SLC26A7: variants seen among roughly 807,000 people sequenced by gnomAD.
SLC26A7 encodes the protein anion exchange transporter.
SLC26A7 carries 59 observed loss-of-function variants against 82.5 expected under a neutral mutation model. The observed-to-expected ratio is 0.72, with a 90% CI of 0.58 to 0.89. The LOEUF (loss-of-function observed/expected upper bound fraction) is 0.89, where lower values mean the gene tolerates loss of function less well. Ranked by LOEUF, SLC26A7 falls within the 40% of genes least tolerant of loss-of-function variation. The pLI, the probability that SLC26A7 is intolerant of heterozygous loss-of-function variation, is 0.00. For synonymous variants in SLC26A7, 271 were observed against 274.3 expected (o/e 0.99, Z 0.12); for missense variants, 820 against 793.0 (o/e 1.03, Z -0.41).
Position 91,341,904 on chromosome 8 carries a change from G to A in SLC26A7, c.1026+1353G>A, listed in dbSNP as rs1412741649. ...TTCTGTTCTCTCCAATACCTGCTTA[G>A]CTCCTCCATTTATTTGTTTATTTAT... On this transcript the variant is annotated intron_variant, in intron 8 of 18. Coordinates refer to ENST00000276609, the MANE Select transcript of SLC26A7 (RefSeq NM_052832.4). Among the ~76,000 whole-genome samples the A allele has an allele frequency of 3.9e-5, 6 of 151,992 alleles. No homozygotes were observed. In the East Asian group the frequency reaches 1.2e-3, roughly 29 times the overall value.
At chr8:91,248,099 A>G (rs1001457623), upstream of SLC26A7, among the ~76,000 whole-genome samples, 2 of 152,130 alleles carry the variant, frequency 1.3e-5, no homozygotes, top group African/African-American at 4.8e-5. Flanking sequence ...AAATGCTACA[A>G]CTTGGTCTCT....
chr8:91,267,344 T>G (rs1340366628), intron 2 of SLC26A7, among the ~76,000 whole-genome samples: 1 of 151,968 alleles, frequency 6.6e-6, no homozygotes, highest in African/African-American at 2.4e-5. Context: ...CATTAGTTTT[T>G]CTTTAAATGT....
intron 16 of SLC26A7, among the ~76,000 whole-genome samples, chr8:91,390,701 C>G (rs536372377): frequency 3.5e-4 from 53 of 151,998 alleles, no homozygotes; most frequent in Non-Finnish European, 6.6e-4. Flanking sequence ...GAGTTCTTTC[C>G]TCACCATTGA....
Position 91,362,376 on chromosome 8 carries a change from ATTTACAATATGC to A in SLC26A7, c.1342_1353del (p.Thr448_Phe451del). 6.2e-7 allele frequency: 1 copy of A among 1,613,056 alleles called. No individual in the cohort carries two copies. Among genetic ancestry groups the A allele is most frequent in the Non-Finnish European group, 8.5e-7 (1 of 1,179,222 alleles). On this transcript the variant is annotated inframe_deletion, in exon 12 of 19. Coordinates refer to ENST00000276609, the MANE Select transcript of SLC26A7 (RefSeq NM_052832.4). ...AGGGAATATGGGTCAGTACATATGT[ATTTACAATATGC>A]TTTGCTGCCAATGTGGGACTGCTGT...
chr8:91,381,020 G>GA (rs544464042), intron 15 of SLC26A7, among the ~76,000 whole-genome samples: 1 of 151,944 alleles, frequency 6.6e-6, no homozygotes, highest in African/African-American at 2.4e-5. Context: ...CAATGTTGGG[G>GA]AAAAAAGCAA....
rs147432595 is a variant in SLC26A7 at position 91,295,503 on chromosome 8, G to A, written c.305-28G>A. ...GAGCCTTTAAATCAAATTACTAATA[G>A]AAGATTCCCCACACCACTTGGTTTC... On this transcript the variant is annotated intron_variant, in intron 3 of 18. Coordinates refer to ENST00000276609, the MANE Select transcript of SLC26A7 (RefSeq NM_052832.4). 5.9e-5 allele frequency: 94 copies of A among 1,590,740 alleles called. No individual in the cohort carries two copies. In the African/African-American group the frequency reaches 1.1e-3, roughly 19 times the overall value.
At position 91,318,376 on chromosome 8, in the gene SLC26A7, T is replaced by C. The variant is rs148980548; in HGVS notation, c.638T>C (p.Phe213Ser). The C allele has an allele frequency of 1.8e-5, 28 of 1,597,116 alleles. No homozygotes were observed. The highest frequency in any genetic ancestry group is 2.4e-5 in the Non-Finnish European group (28 of 1,169,878). ...MPYISGPLGF[F>S]YIYAYVFENI... ...TATATATCCGGACCACTTGGATTCT[T>C]TTATGTGAGTTTTTCGTATGCTTTC... Residue 213 changes from phenylalanine (F) to serine (S), a missense_variant, in exon 5 of 19, where the codon TTT becomes TCT. By Grantham distance (155) the Phe-to-Ser change is radical. Coordinates refer to ENST00000276609, the MANE Select transcript of SLC26A7 (RefSeq NM_052832.4).
At chr8:91,294,343 G>T (rs1483420966) in intron 3 of SLC26A7, among the ~76,000 whole-genome samples, 1 of 152,036 alleles carries the variant, frequency 6.6e-6, no homozygotes, top group East Asian at 1.9e-4. Flanking sequence ...ACAGTTCTGG[G>T]ATTTTAGGCC....
At chr8:91,277,626 C>T (rs1245157183) in intron 2 of SLC26A7, among the ~76,000 whole-genome samples, 3 of 152,014 alleles carry the variant, frequency 2.0e-5, no homozygotes, top group Non-Finnish European at 4.4e-5. Flanking sequence ...GCCCTATAAC[C>T]AGAACATTAT....
At chr8:91,286,949 G>A (rs1440316583) in intron 2 of SLC26A7, among the ~76,000 whole-genome samples, 1 of 152,116 alleles carries the variant, frequency 6.6e-6, no homozygotes, top group Non-Finnish European at 1.5e-5. Flanking sequence ...CTTATTTGTG[G>A]AAAGGATACT....
intron 15 of SLC26A7, among the ~76,000 whole-genome samples, chr8:91,384,612 T>C (rs940614401): frequency 6.6e-6 from 1 of 152,146 alleles, no homozygotes; most frequent in African/African-American, 2.4e-5. Context: ...CATCACACTT[T>C]AATTTACTAG....
intron 2 of SLC26A7, among the ~76,000 whole-genome samples, chr8:91,226,698 A>C (rs1173074529): frequency 6.6e-6 from 1 of 152,262 alleles, no homozygotes; most frequent in Non-Finnish European, 1.5e-5. Flanking sequence ...CAATGGGCTA[A>C]CAATATAATG....
chr8:91,375,652 TTTAAG>T lies in SLC26A7; in HGVS notation c.1675+5822_1675+5826del, dbSNP rs1304779267. On this transcript the variant is annotated intron_variant, in intron 15 of 18. Transcript: ENST00000276609. ...AATTTAGCCCTTTTCTCTAGCTGCCTTTAAGTTGTTTTTTTTTTTTTTCTTCATGT... is the reference window on the plus strand; with the variant it reads ...AATTTAGCCCTTTTCTCTAGCTGCCTTTGTTTTTTTTTTTTTTCTTCATGT... 5.4e-5 allele frequency among the ~76,000 whole-genome samples: 8 copies of T among 148,606 alleles called. No individual in the cohort carries two copies. In the East Asian group the frequency reaches 1.5e-3, roughly 29 times the overall value.
rs567961937 is a variant in SLC26A7 at position 91,256,927 on chromosome 8, C to G, written c.193+7083C>G. On this transcript the variant is annotated intron_variant, in intron 2 of 18. Coordinates refer to ENST00000276609, the MANE Select transcript of SLC26A7 (RefSeq NM_052832.4). ...GATTAAAACCTAAAACTGCCCTGCT[C>G]CATTCCTCATTCTTCACTGGTATCT... Among the ~76,000 whole-genome samples the G allele has an allele frequency of 1.1e-4, 17 of 152,200 alleles. 2 individuals carry two copies. In the South Asian group the frequency reaches 3.3e-3, roughly 30 times the overall value.
intron 11 of SLC26A7, among the ~76,000 whole-genome samples, chr8:91,357,088 A>G (rs2130862723): frequency 6.6e-6 from 1 of 152,024 alleles, no homozygotes; most frequent in East Asian, 1.9e-4. Flanking sequence ...ATGGCCTTTC[A>G]CTCTACAGTC....
intron 2 of SLC26A7, among the ~76,000 whole-genome samples, chr8:91,259,124 C>T (rs537399919): frequency 8.5e-5 from 13 of 152,194 alleles, no homozygotes; most frequent in African/African-American, 2.6e-4. Context: ...GCCTCTACAG[C>T]ATTGGGAATC....
chr8:91,314,629 CAT>C (rs1383554324), intron 4 of SLC26A7, among the ~76,000 whole-genome samples: 1 of 152,130 alleles, frequency 6.6e-6, no homozygotes, highest in Non-Finnish European at 1.5e-5. Flanking sequence ...AGTTAAACCT[CAT>C]ATGTTTTTAA....
chr8:91,371,582 C>A (rs953662509), intron 15 of SLC26A7, among the ~76,000 whole-genome samples: 1 of 151,878 alleles, frequency 6.6e-6, no homozygotes, highest in African/African-American at 2.4e-5. Context: ...TCATTCTTTT[C>A]TATGGCTGTG....
chr8:91,347,292 A>G (rs1813588389), intron 9 of SLC26A7, among the ~76,000 whole-genome samples: 1 of 152,238 alleles, frequency 6.6e-6, no homozygotes, highest in Non-Finnish European at 1.5e-5. Flanking sequence ...GCTTAGGATC[A>G]TGCACTTCAG....
Sources: allele counts gnomAD v4.1 joint callset (sites outside exome capture counted in the v4.1 genomes callset), GRCh38; gene constraint gnomAD v4.1.1; transcripts MANE v1.5; gene names NCBI Gene and HGNC (gene_info 2026-07-23, HGNC 2026-07-21).